Variants in KIRREL1 observed in about 807,000 individuals in gnomAD.
KIRREL1 encodes kin of IRRE-like protein 1.
A neutral mutation model predicts 83.3 loss-of-function variants in KIRREL1; 25 were observed. The observed-to-expected ratio is 0.30, with a 90% CI of 0.22 to 0.42. The LOEUF is 0.42. Ranked by LOEUF, KIRREL1 falls within the 10% of genes least tolerant of loss-of-function variation. The pLI, the probability that KIRREL1 is intolerant of heterozygous loss-of-function variation, is 1.00. For missense variants in KIRREL1, 812 were observed against 1,032.3 expected, an observed-to-expected ratio of 0.79 and a Z score of 2.92; for synonymous variants, 388 against 410.4, an observed-to-expected ratio of 0.95 and a Z score of 0.66.
rs1662437922 is a variant in KIRREL1 at position 158,099,554 on chromosome 1, T to G, written c.*4434T>G. 1.3e-5 allele frequency: 2 copies of G among 152,126 alleles called. No individual in the cohort carries two copies. The highest frequency in any genetic ancestry group is 1.5e-5 in the Non-Finnish European group (1 of 68,050). 9.4% of individuals were successfully genotyped at this position (152,126 alleles called of 1,614,324 possible). A position where few individuals can be genotyped will look rare whatever the true frequency, so the allele number is the denominator to read the frequency against. ...TTTTTTGCATCACTGTGAGGTAGCT[T>G]CAGGCCCTGTCCCTGGAGAAATAAT... On this transcript the variant is annotated 3_prime_UTR_variant, in exon 15 of 15. Coordinates refer to ENST00000359209, the MANE Select transcript of KIRREL1 (RefSeq NM_018240.7).
chr1:158,011,788 C>G (rs1420502561), intron 1 of KIRREL1, among the ~76,000 whole-genome samples: 1 of 152,128 alleles, frequency 6.6e-6, no homozygotes, highest in Non-Finnish European at 1.5e-5. Flanking sequence ...GGGGAAGGAG[C>G]CTGGAGGAGA....
At chr1:158,064,842 A>G (rs540406200) in intron 1 of KIRREL1, among the ~76,000 whole-genome samples, 7 of 151,550 alleles carry the variant, frequency 4.6e-5, no homozygotes, top group African/African-American at 1.7e-4. Flanking sequence ...TTCCCGTATT[A>G]GTTGCTCACC....
intron 1 of KIRREL1, among the ~76,000 whole-genome samples, chr1:158,018,650 C>T (rs1160480223): frequency 6.6e-6 from 1 of 152,036 alleles, no homozygotes; most frequent in African/African-American, 2.4e-5. Flanking sequence ...AAGAATGGGA[C>T]TGCTAGAATG....
chr1:158,024,104 C>T (rs914696783), intron 1 of KIRREL1, among the ~76,000 whole-genome samples: 2 of 151,970 alleles, frequency 1.3e-5, no homozygotes, highest in African/African-American at 4.8e-5. Flanking sequence ...CATGCCACTG[C>T]ACCTGGCTAA....
At chr1:158,001,302 A>G (rs766715745) in intron 1 of KIRREL1, among the ~76,000 whole-genome samples, 2 of 152,188 alleles carry the variant, frequency 1.3e-5, no homozygotes, top group Non-Finnish European at 2.9e-5. Context: ...TGAAGGTCTC[A>G]CTTTGTGATT....
Position 158,093,347 on chromosome 1 carries a change from C to A in KIRREL1, c.1480C>A (p.Pro494Thr). The change falls in exon 12 of 15, where the codon CCT becomes ACT. Residue 494 changes from proline (P) to threonine (T), a missense_variant. Pro to Thr is a conservative substitution (Grantham distance 38, BLOSUM62 -1). Around this residue, in one of 3 missense-constraint regions of KIRREL1, gnomAD observed 334 missense variants for 383.7 expected, o/e 0.87. Transcript: ENST00000359209. ...TCCTTCCCCATCGAAAGAGGTGTTACCTGTGGGCATCATAGCTGGGGCCAC... is the reference window on the plus strand; with the variant it reads ...TCCTTCCCCATCGAAAGAGGTGTTAACTGTGGGCATCATAGCTGGGGCCAC... ...IIQLEEREVL[P>T]VGIIAGATIG... 6.2e-7 allele frequency: 1 copy of A among 1,614,008 alleles called. No individual in the cohort carries two copies. The highest frequency in any genetic ancestry group is 1.6e-4 in the Middle Eastern group (1 of 6,062).
At position 158,026,146 on chromosome 1, in the gene KIRREL1, C is replaced by T. The variant is rs763095234; in HGVS notation, c.52+32418C>T. 4.3e-4 allele frequency among the ~76,000 whole-genome samples: 65 copies of T among 152,188 alleles called. 1 individual carries two copies. Among genetic ancestry groups the T allele is most frequent in the Admixed American group, 6.5e-5 (1 of 15,286 alleles). On this transcript the variant is annotated intron_variant, in intron 1 of 14. Coordinates refer to ENST00000359209, the MANE Select transcript of KIRREL1 (RefSeq NM_018240.7). ...TGAGTGAGAAGCAGAGAAGGAGCTGCAGGCTGGGGTTTCTACTCCCCAGCA... is the reference window on the plus strand; with the variant it reads ...TGAGTGAGAAGCAGAGAAGGAGCTGTAGGCTGGGGTTTCTACTCCCCAGCA...
At chr1:158,074,178 CT>C (rs1661602823) in intron 1 of KIRREL1, among the ~76,000 whole-genome samples, 1 of 152,174 alleles carries the variant, frequency 6.6e-6, no homozygotes, top group Admixed American at 6.5e-5. Flanking sequence ...AGGGATTATC[CT>C]TTAGAAGACA....
intron 1 of KIRREL1, among the ~76,000 whole-genome samples, chr1:158,062,147 G>A (rs72711951): frequency 0.057 from 8,689 of 152,256 alleles, 388 homozygotes; most frequent in Non-Finnish European, 0.078. Context: ...AGAGTGGTAA[G>A]ATGAGTGGTT....
intron 1 of KIRREL1, among the ~76,000 whole-genome samples, chr1:158,029,369 A>ATGTGTGTGTGTGTGTGTGTGTG (rs1218198001): frequency 0.038 from 5,494 of 145,040 alleles, 186 homozygotes; most frequent in Non-Finnish European, 0.044. Flanking sequence ...GTGTGTGTGC[A>ATGTGTGTGTGTGTGTGTGTGTG]CGTGCGCGCG....
chr1:158,087,998 TC>T lies in KIRREL1; in HGVS notation c.768-4del, dbSNP rs760482781. 3.7e-6 allele frequency: 6 copies of T among 1,614,038 alleles called. No homozygotes were observed. The highest frequency in any genetic ancestry group is 5.1e-6 in the Non-Finnish European group (6 of 1,179,946). On this transcript the variant is annotated splice_region_variant and splice_polypyrimidine_tract_variant and intron_variant, in intron 6 of 14. Coordinates refer to ENST00000359209, the MANE Select transcript of KIRREL1 (RefSeq NM_018240.7). ...CTGATCCCACCTCTGTGTTGCCTCC[TC>T]CCCTAGGTGGGCCAAAGGGGGTTTC...
intron 1 of KIRREL1, among the ~76,000 whole-genome samples, chr1:158,049,857 C>T (rs3892182): frequency 0.047 from 7,096 of 151,936 alleles, 529 homozygotes; most frequent in African/African-American, 0.16. Context: ...GTAGTGGGGT[C>T]GGTGAGCAGA....
At chr1:158,015,770 A>G (rs369074147) in intron 1 of KIRREL1, among the ~76,000 whole-genome samples, 8 of 152,160 alleles carry the variant, frequency 5.3e-5, no homozygotes, top group African/African-American at 1.9e-4. Context: ...CTGATGAGGC[A>G]CTTAGGATCT....
intron 1 of KIRREL1, among the ~76,000 whole-genome samples, chr1:158,010,459 A>T (rs1022914021): frequency 1.4e-5 from 2 of 144,498 alleles, no homozygotes; most frequent in African/African-American, 5.2e-5. Context: ...ACACACACAC[A>T]CTGTCCTGAG....
chr1:158,042,212 GGTGTGTGTGT>G (rs10577493), intron 1 of KIRREL1, among the ~76,000 whole-genome samples: 165 of 137,734 alleles, frequency 1.2e-3, no homozygotes, highest in African/African-American at 4.1e-3. Flanking sequence ...TCTTCTCCAG[GGTGTGTGTGT>G]GTGTGTGTGT....
chr1:158,065,148 T>A (rs1661326195), intron 1 of KIRREL1, among the ~76,000 whole-genome samples: 1 of 152,090 alleles, frequency 6.6e-6, no homozygotes, highest in South Asian at 2.1e-4. Context: ...GTTGCCCAGC[T>A]CTTTGTGGAT....
rs1031976891 is a variant in KIRREL1, at chr1:158,098,629, C to T, written c.*3509C>T. The T allele has an allele frequency of 3.9e-5, 6 of 152,188 alleles. No individual in the cohort carries two copies. Among genetic ancestry groups the T allele is most frequent in the Non-Finnish European group, 7.3e-5 (5 of 68,028 alleles). 9.4% of individuals were successfully genotyped at this position (152,188 alleles called of 1,614,324 possible). A position where few individuals can be genotyped will look rare whatever the true frequency, so the allele number is the denominator to read the frequency against. On this transcript the variant is annotated 3_prime_UTR_variant, in exon 15 of 15. Transcript: ENST00000359209. ...TCACTTCCCTCGTGAAGGACCCGCCCTATATCCTAAATTCTGGATCCCTCA... is the reference window on the plus strand; with the variant it reads ...TCACTTCCCTCGTGAAGGACCCGCCTTATATCCTAAATTCTGGATCCCTCA...
At chr1:158,085,897 G>A (rs1420767742) in intron 4 of KIRREL1, among the ~76,000 whole-genome samples, 2 of 152,128 alleles carry the variant, frequency 1.3e-5, no homozygotes, top group Non-Finnish European at 2.9e-5. Context: ...CCTGAAACAC[G>A]CACACATGGT....
intron 1 of KIRREL1, among the ~76,000 whole-genome samples, chr1:158,024,522 A>G (rs1029339580): frequency 6.6e-6 from 1 of 151,526 alleles, no homozygotes; most frequent in African/African-American, 2.4e-5. Context: ...CAGGTGATCC[A>G]CCCACCTCCG....
Sources: gnomAD v4.1 joint callset for allele counts (sites outside exome capture counted in the v4.1 genomes callset) on GRCh38, gnomAD v4.1.1 for gene constraint, gnomAD v4.1.1 regional missense constraint, MANE v1.5 for transcripts, NCBI Gene and HGNC (gene_info 2026-07-23, HGNC 2026-07-21) for gene names.